ALS2: variants seen among roughly 807,000 people sequenced by gnomAD.
ALS2 encodes alsin.
ALS2 carries 117 observed loss-of-function variants against 203.4 expected under a neutral mutation model. The observed-to-expected ratio is 0.58, with a 90% confidence interval of 0.50 to 0.67. The LOEUF is 0.67. ALS2 is among the 30% of genes least tolerant of loss of function. The pLI is 0.00. For synonymous variants in ALS2, 718 were observed against 725.9 expected (o/e 0.99, Z 0.17); for missense variants, 1,715 against 1,989.4 (o/e 0.86, Z 2.62).
intron 1 of ALS2, among the ~76,000 whole-genome samples, chr2:201,777,554 ACTC>A (rs1197140225): frequency 6.6e-6 from 1 of 152,184 alleles, no homozygotes; most frequent in African/African-American, 2.4e-5. Flanking sequence ...AAATCTATGT[ACTC>A]ATCATCCAGT....
At chr2:201,705,334 G>C in intron 30 of ALS2, 82 bp downstream of exon 30, 1 of 1,519,832 alleles carries the variant, frequency 6.6e-7, no homozygotes, top group South Asian at 1.1e-5. Context: ...TTCTATCAAA[G>C]TAAAATGAAA....
At chr2:201,771,068 C>T (rs1281505169) in intron 1 of ALS2, among the ~76,000 whole-genome samples, 7 of 110,266 alleles carry the variant, frequency 6.3e-5, no homozygotes, top group South Asian at 2.9e-4. Context: ...TTTTTTGAGA[C>T]GGAGTTTTGC....
At chr2:201,725,299 A>G in intron 20 of ALS2, 57 bp downstream of exon 20, 1 of 1,443,114 alleles carries the variant, frequency 6.9e-7, no homozygotes. Context: ...GCAAACATTC[A>G]GGTTTACATG....
chr2:201,724,301 A>G lies in ALS2; in HGVS notation c.3506T>C (p.Ile1169Thr). The change falls in exon 21 of 34, where the codon ATC becomes ACC. Residue 1169 changes from isoleucine to threonine, a missense_variant. By Grantham distance (89) the Ile-to-Thr change is moderately conservative. Coordinates refer to ENST00000264276, the MANE Select transcript of ALS2 (RefSeq NM_020919.4). Reference sequence around the variant, plus strand: ...TAGAAGGAGAATACTGTACCTAGTGATATCATCAAAGACACCATATCCTGC... The same window carrying G: ...TAGAAGGAGAATACTGTACCTAGTGGTATCATCAAAGACACCATATCCTGC... The part of the protein sequence containing the change: ...KKAGYGVFDD[I>T]TRGEKYMGMW... 6.2e-7 allele frequency: 1 copy of G among 1,613,604 alleles called. No individual in the cohort carries two copies. Among genetic ancestry groups the G allele is most frequent in the Non-Finnish European group, 8.5e-7 (1 of 1,179,628 alleles).
At chr2:201,751,025 G>C (rs1326013808) in intron 7 of ALS2, among the ~76,000 whole-genome samples, 1 of 151,858 alleles carries the variant, frequency 6.6e-6, no homozygotes, top group Non-Finnish European at 1.5e-5. Context: ...GCTAACTTCT[G>C]TGTTTTTAGT....
chr2:201,742,654 A>G (rs1692355551), intron 10 of ALS2, among the ~76,000 whole-genome samples: 1 of 152,248 alleles, frequency 6.6e-6, no homozygotes, highest in African/African-American at 2.4e-5. Context: ...CAGAGACTCC[A>G]CAACACTTAA....
At chr2:201,733,913 A>T (rs918494518) in intron 12 of ALS2, among the ~76,000 whole-genome samples, 2 of 152,200 alleles carry the variant, frequency 1.3e-5, no homozygotes, top group Non-Finnish European at 2.9e-5. Context: ...TTTTCCTTCA[A>T]TTATTGATCA....
chr2:201,760,370 G>A (rs1693684960), intron 4 of ALS2: 3 of 986,586 alleles, frequency 3.0e-6, no homozygotes, highest in Non-Finnish European at 3.6e-6. Flanking sequence ...GCCCAGTAAG[G>A]ACCACAGCTA....
At chr2:201,736,606 A>C (rs904393213) in intron 12 of ALS2, among the ~76,000 whole-genome samples, 1 of 152,138 alleles carries the variant, frequency 6.6e-6, no homozygotes, top group Non-Finnish European at 1.5e-5. Flanking sequence ...AAAAAGCAGA[A>C]ATTAATGAAA....
chr2:201,753,834 T>C (rs1483987110), intron 6 of ALS2, among the ~76,000 whole-genome samples: 4 of 152,162 alleles, frequency 2.6e-5, no homozygotes, highest in African/African-American at 7.2e-5. Flanking sequence ...TTTCTTTTCC[T>C]ATGTGACAGG....
chr2:201,771,344 A>T (rs7577161), intron 1 of ALS2, among the ~76,000 whole-genome samples: 25,665 of 151,946 alleles, frequency 0.17, 2,461 homozygotes, highest in East Asian at 0.4. Flanking sequence ...ACCTTGAGCC[A>T]CCGCGCCCGG....
intron 23 of ALS2, among the ~76,000 whole-genome samples, chr2:201,718,916 T>G (rs978563674): frequency 6.6e-6 from 1 of 151,578 alleles, no homozygotes; most frequent in African/African-American, 2.4e-5. Flanking sequence ...AGGAACAAAC[T>G]AACAAACTAA....
chr2:201,701,409 T>C lies in ALS2; in HGVS notation c.*442A>G, dbSNP rs1367473603. The stretch of plus-strand genomic sequence containing the variant: ...GGCCACTATAGTTTCAAGTACGATC[T>C]GGTTCTTGCAAACGGATCGGGGTAA... On this transcript the variant is annotated 3_prime_UTR_variant, in exon 34 of 34. Coordinates refer to ENST00000264276, the MANE Select transcript of ALS2 (RefSeq NM_020919.4). 2 of 161,142 alleles carry C rather than the reference T, an allele frequency of 1.2e-5. No homozygotes were observed. The highest frequency in any genetic ancestry group is 2.7e-5 in the Non-Finnish European group (2 of 72,914). 10.0% of individuals were successfully genotyped at this position (161,142 alleles called of 1,614,324 possible).
Position 201,704,546 on chromosome 2 carries a change from G to A in ALS2, c.4746C>T (p.Ile1582=). The change falls in exon 32 of 34, where the codon ATC becomes ATT. Residue 1582 remains isoleucine (I), a synonymous_variant. Coordinates refer to ENST00000264276, the MANE Select transcript of ALS2 (RefSeq NM_020919.4). Reference sequence around the variant, plus strand: ...GGAGTGACGCCAGGACACTCTGAGAGATCTCCTCAAAAGTCTGCTGGATGA... The same window carrying A: ...GGAGTGACGCCAGGACACTCTGAGAAATCTCCTCAAAAGTCTGCTGGATGA... ...LKVIQQTFEE[I]SQSVLASLHE... 1 of 1,614,134 alleles carries A rather than the reference G, an allele frequency of 6.2e-7. No individual in the cohort carries two copies. Among genetic ancestry groups the A allele is most frequent in the South Asian group, 1.1e-5 (1 of 91,080 alleles).
intron 10 of ALS2, 35 bp downstream of exon 10, chr2:201,744,223 G>A: frequency 1.9e-6 from 3 of 1,590,192 alleles, no homozygotes; most frequent in Non-Finnish European, 2.6e-6. Context: ...AAGACCTGAT[G>A]GTTTAATGGT....
chr2:201,714,287 T>C (rs1690227106), intron 25 of ALS2, among the ~76,000 whole-genome samples: 1 of 152,220 alleles, frequency 6.6e-6, no homozygotes, highest in African/African-American at 2.4e-5. Flanking sequence ...AAGCTGGGAC[T>C]GTGGAATTTG....
intron 23 of ALS2, chr2:201,722,603 A>C (rs1313803826): frequency 6.3e-6 from 1 of 159,982 alleles, no homozygotes; most frequent in Non-Finnish European, 1.4e-5. Flanking sequence ...CAACTGGTAA[A>C]AGGATAAACA....
At chr2:201,738,498 T>C in intron 12 of ALS2, 172 bp downstream of exon 12, 3 of 653,160 alleles carry the variant, frequency 4.6e-6, no homozygotes, top group Non-Finnish European at 5.5e-6. Flanking sequence ...CTTATAATGA[T>C]AACCAGTGGC....
intron 7 of ALS2, 26 bp from the exon 8 acceptor site, chr2:201,749,815 C>G: frequency 2.5e-6 from 4 of 1,593,752 alleles, no homozygotes; most frequent in Non-Finnish European, 3.4e-6. Flanking sequence ...AGAAAAGTAG[C>G]TAAGCGTTGT....
Sources: allele counts gnomAD v4.1 joint callset (sites outside exome capture counted in the v4.1 genomes callset), GRCh38; gene constraint gnomAD v4.1.1; transcripts MANE v1.5; gene names NCBI Gene and HGNC (gene_info 2026-07-23, HGNC 2026-07-21).